RAB27B: variants seen among roughly 807,000 people sequenced by gnomAD.
RAB27B encodes RAB27B, member RAS oncogene family, also known as ras-related protein Rab-27B.
In RAB27B, 15 loss-of-function variants were observed where a neutral mutation model predicts 24.6. The ratio of observed to expected loss-of-function variants is 0.61; its 90% confidence interval spans 0.41 to 0.94. RAB27B has a LOEUF of 0.94. Ranked by LOEUF, RAB27B falls within the 40% of genes least tolerant of loss-of-function variation. The pLI, the probability that RAB27B is intolerant of heterozygous loss-of-function variation, is 0.00. For synonymous variants in RAB27B, 105 were observed against 92.5 expected (o/e 1.14, Z -0.78); for missense variants, 261 against 266.8 (o/e 0.98, Z 0.15).
intron 2 of RAB27B, among the ~76,000 whole-genome samples, chr18:54,769,547 T>G (rs1487064688): frequency 1.3e-5 from 2 of 152,170 alleles, no homozygotes; most frequent in African/African-American, 2.4e-5. Flanking sequence ...GTCTATTGGT[T>G]TTGTTAGCAG....
At chr18:54,844,732 T>C (rs977140938) in intron 1 of RAB27B, among the ~76,000 whole-genome samples, 4 of 152,130 alleles carry the variant, frequency 2.6e-5, no homozygotes, top group Admixed American at 2.6e-4. Flanking sequence ...TCTTACAAAA[T>C]AGATCCCTGA....
chr18:54,740,701 G>A (rs1213679993), intron 2 of RAB27B, among the ~76,000 whole-genome samples: 1 of 152,170 alleles, frequency 6.6e-6, no homozygotes, highest in Non-Finnish European at 1.5e-5. Context: ...ACTTTGGCAA[G>A]TCTCTTAAAA....
At chr18:54,789,447 G>A (rs1909184469) in intron 2 of RAB27B, among the ~76,000 whole-genome samples, 1 of 151,830 alleles carries the variant, frequency 6.6e-6, no homozygotes, top group Non-Finnish European at 1.5e-5. Flanking sequence ...AGATAATATT[G>A]TCCCAATAAT....
At position 54,889,294 on chromosome 18, in the gene RAB27B, T is replaced by C; in HGVS notation, c.538T>C (p.Leu180=). The change falls in exon 6 of 6, where the codon TTA becomes CTA. Residue 180 remains leucine (L), a synonymous_variant. Transcript: ENST00000262094. ...VEKAVETLLD[L]IMKRMEQCVE... is the part of the protein sequence containing the mutation. ...GAAAGCTGTAGAAACCCTTTTGGAC[T>C]TAATCATGAAGCGAATGGAACAGTG... The C allele has an allele frequency of 6.2e-7, 1 of 1,613,466 alleles. No homozygotes were observed.
chr18:54,851,275 C>T (rs191422037), intron 1 of RAB27B, among the ~76,000 whole-genome samples: 285 of 152,172 alleles, frequency 1.9e-3, no homozygotes, highest in African/African-American at 6.6e-3. Flanking sequence ...TATTTTTCAA[C>T]TTTATAATAG....
intron 2 of RAB27B, among the ~76,000 whole-genome samples, chr18:54,723,286 G>A (rs1023833305): frequency 5.3e-5 from 8 of 152,166 alleles, no homozygotes; most frequent in Admixed American, 1.3e-4. Flanking sequence ...GTGCCCCACC[G>A]GCGTGTTATT....
intron 2 of RAB27B, among the ~76,000 whole-genome samples, chr18:54,808,349 G>A (rs2145144337): frequency 6.6e-6 from 1 of 152,246 alleles, no homozygotes; most frequent in South Asian, 2.1e-4. Flanking sequence ...TGATCACTGA[G>A]GCCCACTGTG....
rs536407227 is a variant in RAB27B at position 54,762,174 on chromosome 18, C to T, written c.-20+44033C>T. 1.9e-4 allele frequency among the ~76,000 whole-genome samples: 29 copies of T among 152,170 alleles called. No homozygotes were observed. In the South Asian group the frequency reaches 5.4e-3, roughly 28 times the overall value. On this transcript the variant is annotated intron_variant, in intron 2 of 4. Transcript: ENST00000586570. ...TGTTGACCTCTTGATTTCACACTTC[C>T]GATAATTCTGTAGTTTTGTTTTGTT... is the stretch of plus-strand genomic sequence containing the variant.
chr18:54,874,328 C>T (rs971213664), intron 1 of RAB27B, among the ~76,000 whole-genome samples: 21 of 152,140 alleles, frequency 1.4e-4, no homozygotes, highest in Admixed American at 5.2e-4. Flanking sequence ...AAAACACAAC[C>T]AGGATTTGAC....
At chr18:54,831,409 G>A (rs1910672179) in intron 1 of RAB27B, among the ~76,000 whole-genome samples, 1 of 152,134 alleles carries the variant, frequency 6.6e-6, no homozygotes, top group Admixed American at 6.6e-5. Context: ...GGTCTTGGAG[G>A]ACTTTGAAGG....
rs371186739 is a variant in RAB27B at position 54,791,617 on chromosome 18, G to A, written c.-20+73476G>A. Among the ~76,000 whole-genome samples, 46 of 152,252 alleles carry A rather than the reference G, an allele frequency of 3.0e-4. 1 individual carries two copies. The South Asian group carries it at 8.7e-3, about 29-fold the overall frequency. The stretch of plus-strand genomic sequence containing the variant: ...TCCCTGGCTAGGGTTCCACCTCCAC[G>A]GACCTAGGTGAGGACAGACACTCCT... On this transcript the variant is annotated intron_variant, in intron 2 of 4. Coordinates refer to the RAB27B transcript ENST00000586570.
At chr18:54,868,603 C>CATTGTTGTT (rs1555666518) in intron 1 of RAB27B, among the ~76,000 whole-genome samples, 3 of 150,922 alleles carry the variant, frequency 2.0e-5, no homozygotes, top group African/African-American at 4.9e-5. Flanking sequence ...CTCTCAGTTT[C>CATTGTTGTT]GTTGTTGTTG....
chr18:54,884,238 G>A (rs760247992), intron 3 of RAB27B, 95 bp from the exon 4 acceptor site: 47 of 734,422 alleles, frequency 6.4e-5, no homozygotes, highest in African/African-American at 8.8e-5. Context: ...GGCCAGTCAC[G>A]GAGAATTCAT....
At position 54,828,532 on chromosome 18, in the gene RAB27B, A is replaced by C. The variant is rs1910554289; in HGVS notation, c.-188A>C. The C allele has an allele frequency of 6.6e-6, 1 of 152,314 alleles. No individual in the cohort carries two copies. The highest frequency in any genetic ancestry group is 2.4e-5 in the African/African-American group (1 of 41,466). 9.4% of individuals were successfully genotyped at this position (152,314 alleles called of 1,614,324 possible). The stretch of plus-strand genomic sequence containing the variant: ...ACCGCCCGGCCTTGGACCCATCCGG[A>C]GCCACAGGTTGGAGGAGATAAGTAG... On this transcript the variant is annotated 5_prime_UTR_variant, in exon 1 of 6. Coordinates refer to ENST00000262094, the MANE Select transcript of RAB27B (RefSeq NM_004163.4).
chr18:54,778,733 A>G (rs562244801), intron 2 of RAB27B, among the ~76,000 whole-genome samples: 4 of 152,138 alleles, frequency 2.6e-5, no homozygotes, highest in African/African-American at 7.2e-5. Context: ...AATAAAAATG[A>G]TCTGTGCAGG....
At chr18:54,862,059 GAAA>G (rs34216951) in intron 1 of RAB27B, among the ~76,000 whole-genome samples, 1 of 148,754 alleles carries the variant, frequency 6.7e-6, no homozygotes. Context: ...AGCATTTAAA[GAAA>G]AAAAAAAAAG....
intron 2 of RAB27B, among the ~76,000 whole-genome samples, chr18:54,807,370 C>A (rs1278488348): frequency 6.6e-6 from 1 of 152,144 alleles, no homozygotes; most frequent in African/African-American, 2.4e-5. Context: ...TGAGCATAAA[C>A]CTTTCCTTGA....
chr18:54,809,268 A>G (rs1909889844), intron 2 of RAB27B, among the ~76,000 whole-genome samples: 1 of 152,186 alleles, frequency 6.6e-6, no homozygotes, highest in Non-Finnish European at 1.5e-5. Flanking sequence ...AGTTTCAAGC[A>G]TGGGTATTAA....
intron 1 of RAB27B, among the ~76,000 whole-genome samples, chr18:54,840,685 C>T (rs916907856): frequency 5.3e-5 from 8 of 152,162 alleles, no homozygotes; most frequent in African/African-American, 1.9e-4. Context: ...TCACTATCCT[C>T]TCTTGTAGAA....
Sources: gnomAD v4.1 joint callset for allele counts (sites outside exome capture counted in the v4.1 genomes callset) on GRCh38, gnomAD v4.1.1 for gene constraint, MANE v1.5 for transcripts, NCBI Gene and HGNC (gene_info 2026-07-23, HGNC 2026-07-21) for gene names.